Variants in PCSK5 observed in about 807,000 individuals in gnomAD.
PCSK5 encodes the protein prohormone convertase 5.
Under a neutral mutation model 233.2 loss-of-function variants are expected in PCSK5, and 129 were observed. That is an observed-to-expected ratio of 0.55 (90% CI 0.48 to 0.64). The LOEUF is 0.64. Among genes scored for constraint, PCSK5 ranks in the 30% least tolerant of loss-of-function variants. PCSK5 has a pLI of 0.00. For synonymous variants in PCSK5, 825 were observed against 879.2 expected, an observed-to-expected ratio of 0.94 and a Z score of 1.09; for missense variants, 2,076 against 2,430.1, an observed-to-expected ratio of 0.85 and a Z score of 3.06.
chr9:76,034,041 C>T (rs1563984741), intron 5 of PCSK5, among the ~76,000 whole-genome samples: 2 of 152,280 alleles, frequency 1.3e-5, no homozygotes, highest in Admixed American at 6.5e-5. Flanking sequence ...TACAGGTTCA[C>T]GATGCATTAC....
chr9:75,932,930 A>G (rs1307680597), intron 2 of PCSK5, among the ~76,000 whole-genome samples: 1 of 152,194 alleles, frequency 6.6e-6, no homozygotes, highest in African/African-American at 2.4e-5. Flanking sequence ...TGGCACTGAT[A>G]GACCCACACC....
chr9:76,175,501 T>G (rs1463899695), intron 14 of PCSK5: 3 of 354,902 alleles, frequency 8.5e-6, no homozygotes, highest in Non-Finnish European at 1.5e-5. Flanking sequence ...CTGGGACATA[T>G]TGTTCGCTTA....
intron 12 of PCSK5, among the ~76,000 whole-genome samples, chr9:76,162,188 GA>G (rs1410844251): frequency 6.6e-6 from 1 of 152,160 alleles, no homozygotes; most frequent in Non-Finnish European, 1.5e-5. Flanking sequence ...CCAAAACCAT[GA>G]ATGGCCACCT....
intron 9 of PCSK5, among the ~76,000 whole-genome samples, chr9:76,109,559 T>A (rs1832121723): frequency 9.9e-6 from 1 of 101,472 alleles, no homozygotes; most frequent in South Asian, 3.4e-4. Context: ...AGACTACAAT[T>A]GTTTTTTTTT....
intron 10 of PCSK5, among the ~76,000 whole-genome samples, chr9:76,143,503 C>A (rs1434053591): frequency 6.6e-6 from 1 of 152,114 alleles, no homozygotes. Context: ...TGGTGCGAAT[C>A]CATTGTTCCT....
At position 76,359,834 on chromosome 9, in the gene PCSK5, C is replaced by T. The variant is rs1475982948; in HGVS notation, c.*912C>T. 1 of 152,120 alleles carries T rather than the reference C, an allele frequency of 6.6e-6. No homozygotes were observed. Among genetic ancestry groups the T allele is most frequent in the Non-Finnish European group, 1.5e-5 (1 of 68,032 alleles). 9.4% of individuals were successfully genotyped at this position (152,120 alleles called of 1,614,324 possible). On this transcript the variant is annotated 3_prime_UTR_variant, in exon 38 of 38. Transcript: ENST00000674117. ...TCAGAGCTTTCCTTCATCAACAACC[C>T]ATCACAAAACCGTGGACTCTCAATA...
intron 22 of PCSK5, among the ~76,000 whole-genome samples, chr9:76,235,613 G>C (rs1013303818): frequency 6.6e-6 from 1 of 152,066 alleles, no homozygotes; most frequent in Non-Finnish European, 1.5e-5. Flanking sequence ...TCATGTTCAA[G>C]GAATTACAGT....
chr9:76,227,043 A>T (rs1245875247), intron 20 of PCSK5, among the ~76,000 whole-genome samples: 1 of 152,134 alleles, frequency 6.6e-6, no homozygotes, highest in East Asian at 1.9e-4. Context: ...TTGACCAGTA[A>T]CCATGATTAC....
chr9:76,280,253 C>T (rs2131386456), intron 24 of PCSK5, among the ~76,000 whole-genome samples: 1 of 152,266 alleles, frequency 6.6e-6, no homozygotes, highest in African/African-American at 2.4e-5. Context: ...GTGTGTTCTG[C>T]CTTTTCCACT....
At chr9:76,090,129 A>G (rs1478503059) in intron 7 of PCSK5, among the ~76,000 whole-genome samples, 2 of 152,168 alleles carry the variant, frequency 1.3e-5, no homozygotes, top group East Asian at 1.9e-4. Flanking sequence ...TTGCAATCAC[A>G]CTACTTCACC....
chr9:76,142,779 A>G (rs1351890976), intron 10 of PCSK5, among the ~76,000 whole-genome samples: 2 of 152,170 alleles, frequency 1.3e-5, no homozygotes, highest in Non-Finnish European at 2.9e-5. Flanking sequence ...AACACTTTCA[A>G]ATATTAAACT....
At chr9:76,123,437 A>T (rs1429454304) in intron 9 of PCSK5, among the ~76,000 whole-genome samples, 1 of 152,188 alleles carries the variant, frequency 6.6e-6, no homozygotes, top group African/African-American at 2.4e-5. Flanking sequence ...GTAATAGAAG[A>T]GTTATCACCT....
At chr9:76,352,618 T>A (rs552998624) in intron 36 of PCSK5, among the ~76,000 whole-genome samples, 1 of 152,136 alleles carries the variant, frequency 6.6e-6, no homozygotes, top group African/African-American at 2.4e-5. Flanking sequence ...TCCACCCACC[T>A]CAGCCTCCCA....
At chr9:76,096,190 T>TATAC (rs368915212) in intron 8 of PCSK5, 88 bp downstream of exon 8, 1,090 of 591,552 alleles carry the variant, frequency 1.8e-3, no homozygotes, top group East Asian at 6.7e-3. Flanking sequence ...TATATATATA[T>TATAC]ACACACACAC....
intron 20 of PCSK5, among the ~76,000 whole-genome samples, chr9:76,214,771 TCCTGAG>T (rs1825461201): frequency 6.6e-6 from 1 of 152,192 alleles, no homozygotes; most frequent in African/African-American, 2.4e-5. Context: ...TGCTTACATT[TCCTGAG>T]CCTTGGTTTC....
At chr9:76,203,481 G>A (rs370004913) in intron 20 of PCSK5, among the ~76,000 whole-genome samples, 33 of 151,754 alleles carry the variant, frequency 2.2e-4, no homozygotes, top group East Asian at 1.6e-3. Context: ...GTAGAAGAAG[G>A]CAAAACAAGC....
At chr9:76,286,182 G>T (rs954970809) in intron 24 of PCSK5, among the ~76,000 whole-genome samples, 2 of 152,226 alleles carry the variant, frequency 1.3e-5, no homozygotes, top group African/African-American at 4.8e-5. Flanking sequence ...CATATGATTG[G>T]GTTGGTAATT....
chr9:76,316,209 C>T (rs1338870326), intron 30 of PCSK5, among the ~76,000 whole-genome samples: 1 of 152,010 alleles, frequency 6.6e-6, no homozygotes, highest in Non-Finnish European at 1.5e-5. Context: ...CAAGCCAGTT[C>T]CCACCTTAAG....
At chr9:76,198,900 A>G (rs942188319) in intron 20 of PCSK5, among the ~76,000 whole-genome samples, 1 of 152,208 alleles carries the variant, frequency 6.6e-6, no homozygotes, top group African/African-American at 2.4e-5. Flanking sequence ...ATCACGTGCT[A>G]AGGTTCCATG....
Sources: allele counts gnomAD v4.1 joint callset (sites outside exome capture counted in the v4.1 genomes callset), GRCh38; gene constraint gnomAD v4.1.1; transcripts MANE v1.5; gene names NCBI Gene and HGNC (gene_info 2026-07-23, HGNC 2026-07-21).